Variants in ZEB1 observed in about 807,000 individuals in gnomAD.
ZEB1 encodes the protein zinc finger E-box-binding homeobox 1.
In ZEB1, 21 loss-of-function variants were observed where a neutral mutation model predicts 84.9. That is an observed-to-expected ratio of 0.25 (90% CI 0.18 to 0.36). ZEB1 has a LOEUF of 0.36. Ranked by LOEUF, ZEB1 falls within the 10% of genes least tolerant of loss-of-function variation. ZEB1 has a pLI of 1.00. For missense variants in ZEB1, 1,104 were observed against 1,330.2 expected (o/e 0.83, Z 2.65); for synonymous variants, 420 against 471.1 (o/e 0.89, Z 1.41).
chr10:31,502,820 C>T (rs1271676170), intron 4 of ZEB1, among the ~76,000 whole-genome samples: 1 of 152,088 alleles, frequency 6.6e-6, no homozygotes, highest in Non-Finnish European at 1.5e-5. Flanking sequence ...CCTTTACTGC[C>T]CTTTGGATTC....
At chr10:31,504,407 C>CT (rs1403680791) in intron 4 of ZEB1, among the ~76,000 whole-genome samples, 1 of 151,960 alleles carries the variant, frequency 6.6e-6, no homozygotes, top group Non-Finnish European at 1.5e-5. Context: ...CAGCTTTGTT[C>CT]TTTTTGCTCA....
intron 1 of ZEB1, among the ~76,000 whole-genome samples, chr10:31,434,393 T>C (rs1173149580): frequency 1.3e-5 from 2 of 152,358 alleles, no homozygotes; most frequent in South Asian, 2.1e-4. Context: ...ACTTAACTTA[T>C]TTGGATTTCA....
At chr10:31,509,812 G>A (rs752260095) in intron 4 of ZEB1, among the ~76,000 whole-genome samples, 26 of 152,094 alleles carry the variant, frequency 1.7e-4, no homozygotes, top group Non-Finnish European at 1.0e-4. Context: ...GTCAAATATG[G>A]AAAACTACTC....
chr10:31,365,925 A>G (rs765159265), intron 1 of ZEB1, among the ~76,000 whole-genome samples: 10 of 152,234 alleles, frequency 6.6e-5, no homozygotes, highest in Non-Finnish European at 1.3e-4. Context: ...ACCATCATTT[A>G]CAGGCATTCT....
At chr10:31,510,603 G>T (rs997135341) in intron 4 of ZEB1, 70 bp from the exon 5 acceptor site, 3 of 1,265,870 alleles carry the variant, frequency 2.4e-6, no homozygotes. Context: ...ATAGCATAGG[G>T]ACTCAGTGGA....
intron 1 of ZEB1, among the ~76,000 whole-genome samples, chr10:31,330,600 T>G (rs1478207424): frequency 6.6e-6 from 1 of 152,174 alleles, no homozygotes; most frequent in Non-Finnish European, 1.5e-5. Context: ...AACCTAACAT[T>G]TATCTTGAGT....
At position 31,383,865 on chromosome 10, in the gene ZEB1, G is replaced by A. The variant is rs117016660; in HGVS notation, c.58+64573G>A. Among the ~76,000 whole-genome samples, 320 of 148,574 alleles carry A rather than the reference G, an allele frequency of 2.2e-3. 9 individuals are homozygous for A. The East Asian group carries it at 0.055, about 25-fold the overall frequency. On this transcript the variant is annotated intron_variant, in intron 1 of 8. Coordinates refer to ENST00000424869, the MANE Select transcript of ZEB1 (RefSeq NM_001174096.2). ...GTCACTGATAGTTTATTTGTCAGTA[G>A]TTTCTAAGGGCACATGAGAATTAAA...
At position 31,445,470 on chromosome 10, in the gene ZEB1, G is replaced by A. The variant is rs1217492929; in HGVS notation, c.59-15567G>A. On this transcript the variant is annotated intron_variant, in intron 1 of 8. Transcript: ENST00000424869. ...ACACTATGTTGAATAGGAGCGGTGA[G>A]AGAGGGCATCCCTGTCTTGTGCCAG... Among the ~76,000 whole-genome samples the A allele has an allele frequency of 6.1e-5, 9 of 148,350 alleles. No individual in the cohort carries two copies. In the East Asian group the frequency reaches 1.0e-3, roughly 16 times the overall value.
At chr10:31,328,938 G>T (rs1028306563) in intron 1 of ZEB1, among the ~76,000 whole-genome samples, 3 of 152,054 alleles carry the variant, frequency 2.0e-5, no homozygotes, top group Non-Finnish European at 2.9e-5. Context: ...CTGTCTTACT[G>T]TGTTCCTATG....
chr10:31,427,372 A>G (rs2057081185), intron 1 of ZEB1, among the ~76,000 whole-genome samples: 2 of 152,162 alleles, frequency 1.3e-5, no homozygotes, highest in South Asian at 4.1e-4. Flanking sequence ...ACCCCAACTC[A>G]GTAGGTATAA....
At chr10:31,339,755 T>C (rs899636691) in intron 1 of ZEB1, among the ~76,000 whole-genome samples, 1 of 148,488 alleles carries the variant, frequency 6.7e-6, no homozygotes, top group Non-Finnish European at 1.5e-5. Flanking sequence ...AGAGAGAGAC[T>C]CTGTCTCAAA....
chr10:31,479,930 C>A (rs2064820075), intron 2 of ZEB1, among the ~76,000 whole-genome samples: 1 of 151,994 alleles, frequency 6.6e-6, no homozygotes, highest in Non-Finnish European at 1.5e-5. Context: ...TGGCAATGTT[C>A]CAACATGTCT....
At position 31,464,332 on chromosome 10, in the gene ZEB1, G is replaced by A. The variant is rs751037594; in HGVS notation, c.259+3095G>A. 5.3e-5 allele frequency among the ~76,000 whole-genome samples: 8 copies of A among 151,936 alleles called. 1 individual carries two copies. Among genetic ancestry groups the A allele is most frequent in the East Asian group, 3.9e-4 (2 of 5,166 alleles). ...GATGCCACTGCACTCCAGCCTGGGC[G>A]ACAGAGTAAGACTCTATCTCAGAAA... On this transcript the variant is annotated intron_variant, in intron 2 of 8. Transcript: ENST00000424869.
At chr10:31,462,233 T>C (rs915366184) in intron 2 of ZEB1, among the ~76,000 whole-genome samples, 3 of 152,212 alleles carry the variant, frequency 2.0e-5, no homozygotes, top group African/African-American at 7.2e-5. Context: ...TTAAGATTTC[T>C]ACAATATGAC....
chr10:31,366,894 G>T (rs2044615017), intron 1 of ZEB1, among the ~76,000 whole-genome samples: 1 of 152,182 alleles, frequency 6.6e-6, no homozygotes, highest in Non-Finnish European at 1.5e-5. Flanking sequence ...TTCCAGGAAA[G>T]TTTAATGTCT....
chr10:31,437,156 G>A (rs1009072532), intron 1 of ZEB1, among the ~76,000 whole-genome samples: 1 of 152,126 alleles, frequency 6.6e-6, no homozygotes, highest in African/African-American at 2.4e-5. Context: ...ATAAAAGAGA[G>A]ATTAATATAA....
intron 2 of ZEB1, among the ~76,000 whole-genome samples, chr10:31,479,191 T>G (rs1249326248): frequency 6.6e-6 from 1 of 151,656 alleles, no homozygotes; most frequent in African/African-American, 2.4e-5. Flanking sequence ...AGATATACCA[T>G]GAAGAAACAG....
intron 1 of ZEB1, chr10:31,321,748 A>G: frequency 1.6e-6 from 1 of 629,768 alleles, no homozygotes; most frequent in Non-Finnish European, 2.8e-6. Context: ...CTCGTAAGGC[A>G]TATCAACAGA....
At chr10:31,452,559 C>G (rs879774854) in intron 1 of ZEB1, among the ~76,000 whole-genome samples, 23 of 151,990 alleles carry the variant, frequency 1.5e-4, no homozygotes, top group Non-Finnish European at 2.5e-4. Context: ...TTTCATTTTC[C>G]TGAATTGTTG....
Sources: allele counts gnomAD v4.1 joint callset (sites outside exome capture counted in the v4.1 genomes callset), GRCh38; gene constraint gnomAD v4.1.1; transcripts MANE v1.5; gene names NCBI Gene and HGNC (gene_info 2026-07-23, HGNC 2026-07-21).